Variants in UTRN observed in about 807,000 individuals in gnomAD.
UTRN encodes utrophin, also known as dystrophin-related protein 1.
In UTRN, 283 loss-of-function variants were observed where a neutral mutation model predicts 463.9. The ratio of observed to expected loss-of-function variants is 0.61; its 90% CI spans 0.55 to 0.67. The LOEUF is 0.67. Ranked by LOEUF, UTRN falls within the 30% of genes least tolerant of loss-of-function variation. UTRN has a pLI of 0.00. For synonymous variants in UTRN, 1,442 were observed against 1,431.5 expected (o/e 1.01, Z -0.17); for missense variants, 3,922 against 4,084.3 (o/e 0.96, Z 1.08).
Position 144,488,831 on chromosome 6 carries a change from T to C in UTRN, c.4131T>C (p.Ala1377=). The C allele has an allele frequency of 6.3e-7, 1 of 1,593,268 alleles. No individual in the cohort carries two copies. Among genetic ancestry groups the C allele is most frequent in the Non-Finnish European group, 8.6e-7 (1 of 1,167,550 alleles). ...ATGCTTTCCAAGTTCCACAGGAAGC[T>C]CAGGTATTGCCGTGCATTTGAGGGC... is the stretch of plus-strand genomic sequence containing the variant. ...RIDAFQVPQE[A]QKIQAEISAH... Residue 1377 remains alanine (A), a synonymous_variant, in exon 30 of 75, where the codon GCT becomes GCC. Transcript: ENST00000367545.
intron 50 of UTRN, among the ~76,000 whole-genome samples, chr6:144,563,517 G>T (rs185888838): frequency 6.6e-6 from 1 of 152,102 alleles, no homozygotes; most frequent in Non-Finnish European, 1.5e-5. Context: ...TGTCATTCCC[G>T]AATGAATGGG....
At chr6:144,326,875 C>T (rs1032792779) in intron 2 of UTRN, among the ~76,000 whole-genome samples, 1 of 152,184 alleles carries the variant, frequency 6.6e-6, no homozygotes, top group Admixed American at 6.5e-5. Flanking sequence ...ATGATTTTCT[C>T]AAGATGCACC....
rs1554339291 is a variant in UTRN, at chr6:144,690,074, G to GTTTTTTTTTTTTTTTTTTT, written c.7653-10009_7653-9991dup. On this transcript the variant is annotated intron_variant, in intron 52 of 74. Transcript: ENST00000367545. ...GGCCATAGAGCTCCCAAAAGTTTCT[G>GTTTTTTTTTTTTTTTTTTT]TTTTTTTTTTTTTTTTTTTTTTGTG... 1.9e-4 allele frequency among the ~76,000 whole-genome samples: 6 copies of GTTTTTTTTTTTTTTTTTTT among 31,278 alleles called. 3 individuals carry two copies. The highest frequency in any genetic ancestry group is 7.0e-4 in the African/African-American group (4 of 5,680). The allele number at this position is 31,278 out of a possible 152,430, so 20.5% of individuals were successfully genotyped here.
chr6:144,528,153 C>T (rs1397318731), intron 41 of UTRN, among the ~76,000 whole-genome samples: 1 of 151,514 alleles, frequency 6.6e-6, no homozygotes, highest in Non-Finnish European at 1.5e-5. Context: ...TCTCCTGCCT[C>T]AGCCTCCTGA....
Position 144,760,059 on chromosome 6 carries a change from T to C in UTRN, c.8495+2070T>C, listed in dbSNP as rs1792478654. On this transcript the variant is annotated intron_variant, in intron 58 of 74. Coordinates refer to ENST00000367545, the MANE Select transcript of UTRN (RefSeq NM_007124.3). ...TATGTTTATATCATGATTATCTGTGTGGTTTGGGACTTTTAAAGTCCATCC... is the reference window on the plus strand; with the variant it reads ...TATGTTTATATCATGATTATCTGTGCGGTTTGGGACTTTTAAAGTCCATCC... Among the ~76,000 whole-genome samples, 2 of 152,314 alleles carry C rather than the reference T, an allele frequency of 1.3e-5. 1 individual carries two copies. Among genetic ancestry groups the C allele is most frequent in the South Asian group, 4.1e-4 (2 of 4,828 alleles).
intron 61 of UTRN, among the ~76,000 whole-genome samples, chr6:144,783,249 A>C (rs1776010912): frequency 6.6e-6 from 1 of 152,064 alleles, no homozygotes; most frequent in Non-Finnish European, 1.5e-5. Context: ...CTCATGCCCA[A>C]AAAGTTATTA....
At position 144,577,283 on chromosome 6, in the gene UTRN, A is replaced by G; in HGVS notation, c.7474A>G (p.Met2492Val). ...SILARELKQQ[M>V]QDIQAEIDAH... Reference sequence around the variant, plus strand: ...CTTGGCCAGGGAACTCAAACAGCAGATGCAGGTAAGTGCATGGGAAACCAC... The same window carrying G: ...CTTGGCCAGGGAACTCAAACAGCAGGTGCAGGTAAGTGCATGGGAAACCAC... The change falls in exon 51 of 75, where the codon ATG (methionine) becomes GTG (valine). Residue 2492 changes from methionine (M) to valine (V), a missense_variant. Transcript: ENST00000367545. 6.2e-7 allele frequency: 1 copy of G among 1,613,644 alleles called. No homozygotes were observed. Among genetic ancestry groups the G allele is most frequent in the Non-Finnish European group, 8.5e-7 (1 of 1,179,772 alleles).
chr6:144,303,147 G>A (rs1389264816), intron 2 of UTRN, among the ~76,000 whole-genome samples: 1 of 152,152 alleles, frequency 6.6e-6, no homozygotes, highest in Non-Finnish European at 1.5e-5. Context: ...AAAAAATTGA[G>A]GTTAAGGAGT....
chr6:144,378,882 G>T (rs1362487151), intron 2 of UTRN, among the ~76,000 whole-genome samples: 1 of 152,142 alleles, frequency 6.6e-6, no homozygotes, highest in African/African-American at 2.4e-5. Context: ...AGATGTGGAT[G>T]GACTCAAGCT....
intron 1 of UTRN, among the ~76,000 whole-genome samples, chr6:144,290,681 T>A (rs1198100073): frequency 6.6e-6 from 1 of 152,040 alleles, no homozygotes; most frequent in Non-Finnish European, 1.5e-5. Flanking sequence ...AATTTGCATT[T>A]TGCTATATTC....
intron 72 of UTRN, among the ~76,000 whole-genome samples, chr6:144,839,967 G>C (rs1453737936): frequency 6.6e-6 from 1 of 152,130 alleles, no homozygotes; most frequent in Admixed American, 6.5e-5. Flanking sequence ...GCTGGATGCA[G>C]TGGCTCCCGC....
intron 51 of UTRN, among the ~76,000 whole-genome samples, chr6:144,615,174 A>G (rs968781345): frequency 6.6e-6 from 1 of 152,156 alleles, no homozygotes; most frequent in African/African-American, 2.4e-5. Context: ...ACAAAGCACT[A>G]GATCTGTAGT....
intron 65 of UTRN, among the ~76,000 whole-genome samples, chr6:144,815,134 C>T (rs1778966481): frequency 6.6e-6 from 1 of 152,078 alleles, no homozygotes; most frequent in Non-Finnish European, 1.5e-5. Context: ...TAGATTGAAA[C>T]CCATCAAATA....
At chr6:144,539,590 CA>C in intron 45 of UTRN, 147 bp downstream of exon 45, 6 of 790,828 alleles carry the variant, frequency 7.6e-6, no homozygotes, top group Non-Finnish European at 1.1e-5. Context: ...TTTTATCTGT[CA>C]TAGACAGAGG....
chr6:144,776,069 G>A (rs1180715952), intron 60 of UTRN, among the ~76,000 whole-genome samples: 3 of 152,102 alleles, frequency 2.0e-5, no homozygotes, highest in African/African-American at 4.8e-5. Flanking sequence ...TTCTCCCACT[G>A]CCCTCCAGCC....
rs1159478157 is a variant in UTRN, at chr6:144,471,047, AGGGAGGGGGAGAGGGAGG to A, written c.3067-2663_3067-2646del. ...GGAGAGGGAGACGAGGGAGGGGGAGAGGGAGGGGGAGAGGGAGGGGGAGGGGGCGAGGGAGGGGGAGGG... is the reference window on the plus strand; with the variant it reads ...GGAGAGGGAGACGAGGGAGGGGGAGAGGGAGGGGGCGAGGGAGGGGGAGGG... On this transcript the variant is annotated intron_variant, in intron 23 of 74. Transcript: ENST00000367545. 1.3e-4 allele frequency among the ~76,000 whole-genome samples: 4 copies of A among 30,812 alleles called. No individual in the cohort carries two copies. The East Asian group carries it at 3.9e-3, about 30-fold the overall frequency. The allele number at this position is 30,812 out of a possible 152,430, so 20.2% of individuals were successfully genotyped here.
intron 2 of UTRN, among the ~76,000 whole-genome samples, chr6:144,386,248 G>GC (rs765160036): frequency 8.0e-4 from 122 of 152,150 alleles, no homozygotes; most frequent in Middle Eastern, 6.8e-3. Flanking sequence ...GACTGCTTGA[G>GC]CCCCGGAGTT....
At chr6:144,403,087 A>G (rs760841548) in intron 2 of UTRN, 36 bp from the exon 3 acceptor site, 23 of 1,590,992 alleles carry the variant, frequency 1.4e-5, no homozygotes, top group East Asian at 2.2e-5. Context: ...ACAGACTCTC[A>G]TACTTTTTCC....
intron 26 of UTRN, among the ~76,000 whole-genome samples, 178 bp from the exon 27 acceptor site, chr6:144,482,031 A>G (rs1294653125): frequency 6.6e-6 from 1 of 152,348 alleles, no homozygotes; most frequent in Non-Finnish European, 1.5e-5. Flanking sequence ...AAACAAAAAC[A>G]AAAACAAAAC....
Sources: gnomAD v4.1 joint callset for allele counts (sites outside exome capture counted in the v4.1 genomes callset) on GRCh38, gnomAD v4.1.1 for gene constraint, MANE v1.5 for transcripts, NCBI Gene and HGNC (gene_info 2026-07-23, HGNC 2026-07-21) for gene names.